NALF1: variants seen among roughly 807,000 people sequenced by gnomAD.
NALF1 encodes the protein NALCN channel auxiliary factor 1.
A neutral mutation model predicts 48.4 loss-of-function variants in NALF1; 3 were observed. The ratio of observed to expected loss-of-function variants is 0.06; its 90% CI spans 0.03 to 0.16. NALF1 has a LOEUF of 0.16. Ranked by LOEUF, NALF1 falls within the 10% of genes least tolerant of loss-of-function variation. NALF1 has a pLI of 1.00. For missense variants in NALF1, 526 were observed against 571.5 expected (o/e 0.92, Z 0.81); for synonymous variants, 262 against 245.7 (o/e 1.07, Z -0.62).
chr13:107,597,189 G>A lies in NALF1; in HGVS notation c.915+268493C>T, dbSNP rs554954932. Among the ~76,000 whole-genome samples the A allele has an allele frequency of 1.6e-3, 241 of 152,234 alleles. 1 individual carries two copies. The highest frequency in any genetic ancestry group is 5.5e-3 in the African/African-American group (227 of 41,552). On this transcript the variant is annotated intron_variant, in intron 1 of 2. Coordinates refer to ENST00000375915, the MANE Select transcript of NALF1 (RefSeq NM_001080396.3). ...ACAGATTTTTCAGTCAATCCTTGAA[G>A]AAGTCTATGTTATCAAAGACATTAG...
intron 1 of NALF1, among the ~76,000 whole-genome samples, chr13:107,375,809 C>T (rs1267103329): frequency 1.3e-5 from 2 of 151,976 alleles, no homozygotes; most frequent in Non-Finnish European, 2.9e-5. Context: ...AGAGAATTTA[C>T]CCAACCTGGG....
In NALF1 at chr13:107,269,233, T is replaced by C. The variant is rs373083223; in HGVS notation, c.916-58478A>G. On this transcript the variant is annotated intron_variant, in intron 1 of 2. Coordinates refer to ENST00000375915, the MANE Select transcript of NALF1 (RefSeq NM_001080396.3). ...TGTGGGTGGGAGTACAGTACTTTAG[T>C]AGCTACAGCAATAGTCAGGGGGGTT... Among the ~76,000 whole-genome samples the C allele has an allele frequency of 4.6e-5, 7 of 151,986 alleles. No homozygotes were observed. In the East Asian group the frequency reaches 7.8e-4, roughly 17 times the overall value.
intron 1 of NALF1, among the ~76,000 whole-genome samples, chr13:107,839,300 T>A (rs1879984327): frequency 6.7e-6 from 1 of 149,838 alleles, no homozygotes; most frequent in Non-Finnish European, 1.5e-5. Context: ...ACTTTATCCT[T>A]CTTCCAGTCC....
At chr13:107,263,134 T>C (rs1038141990) in intron 1 of NALF1, among the ~76,000 whole-genome samples, 2 of 152,176 alleles carry the variant, frequency 1.3e-5, no homozygotes, top group East Asian at 1.9e-4. Context: ...CCCTTCAGTC[T>C]GTTCCTGACC....
At chr13:107,430,417 T>C (rs1884357921) in intron 1 of NALF1, among the ~76,000 whole-genome samples, 1 of 152,080 alleles carries the variant, frequency 6.6e-6, no homozygotes, top group African/African-American at 2.4e-5. Context: ...ATTAGGTATA[T>C]CTCCTAATGC....
chr13:107,273,317 G>C (rs1295444962), intron 1 of NALF1, among the ~76,000 whole-genome samples: 1 of 152,128 alleles, frequency 6.6e-6, no homozygotes, highest in Non-Finnish European at 1.5e-5. Context: ...AAAATACTCA[G>C]GTTTACCTGT....
chr13:107,330,807 T>C (rs1320722179), intron 1 of NALF1, among the ~76,000 whole-genome samples: 1 of 152,230 alleles, frequency 6.6e-6, no homozygotes, highest in East Asian at 1.9e-4. Flanking sequence ...AGGAACACCA[T>C]AGAATGCTCA....
chr13:107,463,874 T>A (rs758603944), intron 1 of NALF1, among the ~76,000 whole-genome samples: 1 of 152,208 alleles, frequency 6.6e-6, no homozygotes, highest in African/African-American at 2.4e-5. Flanking sequence ...GATATAATGA[T>A]AAGGAAGGCT....
In NALF1 at chr13:107,537,135, C is replaced by T. The variant is rs147549694; in HGVS notation, c.916-326380G>A. Among the ~76,000 whole-genome samples, 1,075 of 152,040 alleles carry T rather than the reference C, an allele frequency of 7.1e-3. 40 individuals are homozygous for T. In the East Asian group the frequency reaches 0.1, roughly 14 times the overall value. On this transcript the variant is annotated intron_variant, in intron 1 of 2. Coordinates refer to ENST00000375915, the MANE Select transcript of NALF1 (RefSeq NM_001080396.3). ...TAGAAGATATACCTAATGTAAATGA[C>T]GAGTTAATGGGTGCAGCACACCAAC... is the stretch of plus-strand genomic sequence containing the variant.
At chr13:107,379,012 C>A (rs1010923046) in intron 1 of NALF1, among the ~76,000 whole-genome samples, 1 of 152,094 alleles carries the variant, frequency 6.6e-6, no homozygotes, top group East Asian at 1.9e-4. Context: ...GCATTTTGAA[C>A]AAAGTAATGA....
chr13:107,285,526 T>C (rs903602704), intron 1 of NALF1, among the ~76,000 whole-genome samples: 2 of 152,130 alleles, frequency 1.3e-5, no homozygotes, highest in African/African-American at 2.4e-5. Flanking sequence ...CTGTGTACAC[T>C]TGTACACCAT....
chr13:107,336,334 T>C (rs542499233), intron 1 of NALF1, among the ~76,000 whole-genome samples: 1 of 151,546 alleles, frequency 6.6e-6, no homozygotes, highest in African/African-American at 2.4e-5. Context: ...GCCTAGGTGA[T>C]AGAGCAAGAC....
At chr13:107,197,245 C>G (rs1879411121) in intron 2 of NALF1, among the ~76,000 whole-genome samples, 2 of 152,274 alleles carry the variant, frequency 1.3e-5, no homozygotes, top group African/African-American at 2.4e-5. Flanking sequence ...TTATACATTA[C>G]CTAGTCTTTG....
intron 2 of NALF1, among the ~76,000 whole-genome samples, chr13:107,176,407 T>C (rs1045741454): frequency 7.1e-6 from 1 of 140,188 alleles, no homozygotes; most frequent in African/African-American, 2.7e-5. Context: ...CTTTGGGAGG[T>C]CGAGGCAGGC....
intron 1 of NALF1, among the ~76,000 whole-genome samples, chr13:107,215,343 C>T (rs1480343709): frequency 6.6e-6 from 1 of 152,200 alleles, no homozygotes; most frequent in Non-Finnish European, 1.5e-5. Context: ...CCTCTACCTC[C>T]AGACCTACGT....
At chr13:107,859,185 C>G (rs1314517389) in intron 1 of NALF1, among the ~76,000 whole-genome samples, 1 of 152,134 alleles carries the variant, frequency 6.6e-6, no homozygotes, top group African/African-American at 2.4e-5. Context: ...GGTGAAGAGG[C>G]TAAGTCAGCA....
intron 1 of NALF1, among the ~76,000 whole-genome samples, chr13:107,744,957 C>A (rs535816389): frequency 3.3e-5 from 5 of 152,290 alleles, no homozygotes; most frequent in African/African-American, 1.2e-4. Flanking sequence ...GAGTCCTGAA[C>A]GTACGACTCT....
intron 1 of NALF1, among the ~76,000 whole-genome samples, chr13:107,755,974 G>T (rs1041912484): frequency 6.6e-6 from 1 of 152,152 alleles, no homozygotes; most frequent in Admixed American, 6.6e-5. Flanking sequence ...TCACTAAAGA[G>T]AAAGAACCAA....
chr13:107,778,762 T>G (rs1877808606), intron 1 of NALF1, among the ~76,000 whole-genome samples: 1 of 152,094 alleles, frequency 6.6e-6, no homozygotes, highest in Non-Finnish European at 1.5e-5. Flanking sequence ...TGAACCCTCT[T>G]TCTTCCCTCC....
Sources: allele counts gnomAD v4.1 joint callset (sites outside exome capture counted in the v4.1 genomes callset), GRCh38; gene constraint gnomAD v4.1.1; transcripts MANE v1.5; gene names NCBI Gene and HGNC (gene_info 2026-07-23, HGNC 2026-07-21).